Variants in FER1L5 observed in about 807,000 individuals in gnomAD.
FER1L5 encodes the protein fer-1 like family member 5, also known as fer-1-like protein 5.
In FER1L5, 187 loss-of-function variants were observed where a neutral mutation model predicts 279.9. That is an observed-to-expected ratio of 0.67 (90% CI 0.59 to 0.75). FER1L5 has a LOEUF of 0.75. Among genes scored for constraint, FER1L5 ranks in the 30% least tolerant of loss-of-function variants. The pLI is 0.00. For missense variants in FER1L5, 2,091 were observed against 2,594.4 expected (o/e 0.81, Z 4.21); for synonymous variants, 921 against 989.7 (o/e 0.93, Z 1.30).
At chr2:96,674,967 C>A (rs2076459266) in intron 19 of FER1L5, among the ~76,000 whole-genome samples, 1 of 152,196 alleles carries the variant, frequency 6.6e-6, no homozygotes, top group South Asian at 2.1e-4. Context: ...TTGTATTAAT[C>A]ACCTTCTTGC....
chr2:96,691,578 G>A lies in FER1L5; in HGVS notation c.3041G>A (p.Gly1014Asp). ...AGGCTGGCCCCCAACAAGGACAAGGGCATCGCGCCCATATTCCTCCTGGAG... is the reference window on the plus strand; with the variant it reads ...AGGCTGGCCCCCAACAAGGACAAGGACATCGCGCCCATATTCCTCCTGGAG... Reference protein sequence around the residue: ...RRRLAPNKDKGIAPIFLLEGS... With the variant: ...RRRLAPNKDKDIAPIFLLEGS... The change falls in exon 29 of 53, where the codon GGC becomes GAC. Residue 1014 changes from glycine (G) to aspartate (D), a missense_variant. Physicochemically the swap from Gly to Asp is moderately conservative, Grantham distance 94. Transcript: ENST00000624922. This position sits in a 1 kb window ranked among gnomAD's most constrained non-coding sequence, Gnocchi z 6.0. 3 of 1,544,452 alleles carry A rather than the reference G, an allele frequency of 1.9e-6. No homozygotes were observed. Among genetic ancestry groups the A allele is most frequent in the South Asian group, 1.2e-5 (1 of 83,084 alleles).
rs115457490 is a variant in FER1L5, at chr2:96,702,512, C to T, written c.5256-88C>T. 1,831 of 1,547,914 alleles carry T rather than the reference C, an allele frequency of 1.2e-3. 23 individuals are homozygous for T. In the African/African-American group the frequency reaches 0.022, roughly 19 times the overall value. Reference sequence around the variant, plus strand: ...CACCTCTCCATCCAGCTCTGCCTGGCGTCGGCTGGGCAGCCCTTCCCATGG... The same window carrying T: ...CACCTCTCCATCCAGCTCTGCCTGGTGTCGGCTGGGCAGCCCTTCCCATGG... On this transcript the variant is annotated intron_variant, in intron 47 of 52. Coordinates refer to ENST00000624922, the MANE Select transcript of FER1L5 (RefSeq NM_001293083.2). The surrounding 1 kb of genome is among the most constrained non-coding windows in gnomAD (Gnocchi z 4.0).
intron 19 of FER1L5, among the ~76,000 whole-genome samples, chr2:96,679,177 C>T (rs147741468): frequency 6.6e-6 from 1 of 151,648 alleles, no homozygotes; most frequent in Non-Finnish European, 1.5e-5. Flanking sequence ...ATGGCGAGAT[C>T]CTACAGAAAT....
Position 96,704,326 on chromosome 2 carries a change from A to T in FER1L5, c.5913A>T (p.Ile1971=), listed in dbSNP as rs1279409403. The part of the protein sequence containing the change: ...KLIAFMVISI[I]ALMLFNFIYS... ...TAGCCTTTATGGTCATATCGATTAT[A>T]GCACTTATGCTGTTTAACTTCATCT... Residue 1971 remains isoleucine, a synonymous_variant, in exon 52 of 53, where the codon ATA becomes ATT. Coordinates refer to ENST00000624922, the MANE Select transcript of FER1L5 (RefSeq NM_001293083.2). The T allele has an allele frequency of 6.2e-7, 1 of 1,613,858 alleles. No homozygotes were observed. The highest frequency in any genetic ancestry group is 1.3e-5 in the African/African-American group (1 of 74,912).
At chr2:96,685,807 TG>T (rs1455669110) in intron 21 of FER1L5, 132 bp from the exon 22 acceptor site, 7 of 1,174,216 alleles carry the variant, frequency 6.0e-6, no homozygotes, top group Non-Finnish European at 7.1e-6. Context: ...GAAGGGCTCC[TG>T]GGCCAGGCTA....
At chr2:96,671,490 A>T (rs1039668894) in intron 18 of FER1L5, among the ~76,000 whole-genome samples, 1 of 152,224 alleles carries the variant, frequency 6.6e-6, no homozygotes, top group African/African-American at 2.4e-5. Flanking sequence ...CAGGGGTGCA[A>T]TGCACCAAGG....
In FER1L5 at chr2:96,653,629, C is replaced by T; in HGVS notation, c.634-11C>T. 1 of 1,550,076 alleles carries T rather than the reference C, an allele frequency of 6.5e-7. No individual in the cohort carries two copies. The highest frequency in any genetic ancestry group is 8.7e-7 in the Non-Finnish European group (1 of 1,145,518). On this transcript the variant is annotated splice_polypyrimidine_tract_variant and intron_variant, in intron 7 of 52. Transcript: ENST00000624922. ...AAATCATCCACTCTACCCCAATTCT[C>T]TTTGCCTCAGATCTTCTTCCAGAAT...
At position 96,662,249 on chromosome 2, in the gene FER1L5, G is replaced by A. The variant is rs761596844; in HGVS notation, c.1053G>A (p.Val351=). The change falls in exon 13 of 53, where the codon GTG becomes GTA. Residue 351 remains valine, a synonymous_variant. Coordinates refer to ENST00000624922, the MANE Select transcript of FER1L5 (RefSeq NM_001293083.2). ...AGTCAGTGAATCCTCAGTTGGAGGT[G>A]GAACTAATTGGGGAAAAGGTAAGTG... ...KHQSVNPQLE[V]ELIGEKLRTH... 1 of 1,551,586 alleles carries A rather than the reference G, an allele frequency of 6.4e-7. No homozygotes were observed. Among genetic ancestry groups the A allele is most frequent in the South Asian group, 1.2e-5 (1 of 84,048 alleles).
intron 51 of FER1L5, among the ~76,000 whole-genome samples, 177 bp downstream of exon 51, chr2:96,703,809 CTTTT>C (rs35497973): frequency 7.8e-5 from 7 of 89,480 alleles, no homozygotes; most frequent in East Asian, 3.0e-4. Flanking sequence ...CAAAAGTTGC[CTTTT>C]TTTTTTTTTT....
intron 7 of FER1L5, chr2:96,652,401 C>A: frequency 5.0e-6 from 1 of 198,670 alleles, no homozygotes. Context: ...TCCATAAATA[C>A]TTGTTGAATT....
chr2:96,686,855 C>CAAAAAAAAAA (rs58724485), intron 23 of FER1L5, among the ~76,000 whole-genome samples: 1 of 41,160 alleles, frequency 2.4e-5, no homozygotes. Context: ...GACTCCGTCT[C>CAAAAAAAAAA]AAAAAAAAAA....
intron 3 of FER1L5, 46 bp from the exon 4 acceptor site, chr2:96,647,730 ACT>A (rs752289110): frequency 1.7e-5 from 23 of 1,370,182 alleles, no homozygotes; most frequent in Non-Finnish European, 2.2e-5. Context: ...AGAAGAGGAC[ACT>A]CTTTCCCCTG....
At position 96,686,082 on chromosome 2, in the gene FER1L5, G is replaced by C; in HGVS notation, c.2038G>C (p.Asp680His). 1.3e-6 allele frequency: 2 copies of C among 1,551,534 alleles called. No homozygotes were observed. The highest frequency in any genetic ancestry group is 1.7e-6 in the Non-Finnish European group (2 of 1,146,930). Residue 680 changes from aspartate (D) to histidine (H), a missense_variant, in exon 22 of 53, where the codon GAC (aspartate) becomes CAC (histidine). Physicochemically the swap from Asp to His is moderately conservative, Grantham distance 81. Coordinates refer to ENST00000624922, the MANE Select transcript of FER1L5 (RefSeq NM_001293083.2). ...CAAGGACATGGTGGCCACAGCGGAG[G>C]ACTGGCTGTACCGCCTCAACACCGT... ...KPKDMVATAE[D>H]WLYRLNTVLP...
At chr2:96,645,120 C>CAT (rs2075060690) in intron 1 of FER1L5, among the ~76,000 whole-genome samples, 1 of 152,162 alleles carries the variant, frequency 6.6e-6, no homozygotes, top group Non-Finnish European at 1.5e-5. Flanking sequence ...GCCTTTTACC[C>CAT]ATTATGGATG....
intron 18 of FER1L5, among the ~76,000 whole-genome samples, chr2:96,672,647 T>C (rs1262947715): frequency 6.8e-6 from 1 of 145,998 alleles, no homozygotes; most frequent in African/African-American, 2.6e-5. Context: ...GTTCAACCTT[T>C]CTGGGAGTAT....
At chr2:96,687,199 G>T (rs2076964154) in intron 23 of FER1L5, among the ~76,000 whole-genome samples, 1 of 152,174 alleles carries the variant, frequency 6.6e-6, no homozygotes, top group Non-Finnish European at 1.5e-5. Flanking sequence ...CTGGCCCCTG[G>T]CCCCTGTTCC....
At chr2:96,675,657 C>A (rs1280019265) in intron 19 of FER1L5, among the ~76,000 whole-genome samples, 1 of 152,142 alleles carries the variant, frequency 6.6e-6, no homozygotes, top group Non-Finnish European at 1.5e-5. Context: ...GAACTCCTGA[C>A]CTCAAGTGAT....
At chr2:96,648,094 C>T (rs769536108) in intron 4 of FER1L5, among the ~76,000 whole-genome samples, 8 of 152,226 alleles carry the variant, frequency 5.3e-5, no homozygotes, top group Non-Finnish European at 8.8e-5. Flanking sequence ...GAGTCAACCA[C>T]TGTGCCAGGC....
chr2:96,644,159 G>A (rs1203768726), intron 1 of FER1L5, among the ~76,000 whole-genome samples: 1 of 132,702 alleles, frequency 7.5e-6, no homozygotes. Flanking sequence ...TCAACAGATC[G>A]AGATGAGGTG....
Sources: gnomAD v4.1 joint callset for allele counts (sites outside exome capture counted in the v4.1 genomes callset) on GRCh38, gnomAD v4.1.1 for gene constraint, Gnocchi (gnomAD v3.1) non-coding constraint, MANE v1.5 for transcripts, NCBI Gene and HGNC (gene_info 2026-07-23, HGNC 2026-07-21) for gene names.